The following SNX12 variants were observed in gnomAD, a reference collection of about 807,000 sequenced individuals.
SNX12 encodes the protein sorting nexin-12.
For synonymous variants in SNX12, 47 were observed against 56.0 expected (o/e 0.84, Z 0.71); for missense variants, 62 against 141.3 (o/e 0.44, Z 2.84).
In SNX12 at chrX:71,066,147, C is replaced by G. The variant is rs190744001; in HGVS notation, c.165+1995G>C. 2.7e-5 allele frequency among the ~76,000 whole-genome samples: 3 copies of G among 112,445 alleles called. No homozygotes were observed. In the East Asian group the frequency reaches 8.3e-4, roughly 31 times the overall value. The stretch of plus-strand genomic sequence containing the variant: ...ATTCCAGCCCTGTCAGTTATAGTTA[C>G]GTGTACTTGGGCAAGTTACTTAAAC... On this transcript the variant is annotated intron_variant, in intron 1 of 3. Transcript: ENST00000374274.
chrX:71,071,519 A>G (rs866991948), upstream of SNX12, among the ~76,000 whole-genome samples: 6 of 41,400 alleles, frequency 1.4e-4, no homozygotes, highest in African/African-American at 6.6e-4. Context: ...ATATTAATTT[A>G]TATATATATT....
chrX:71,068,041 C>T, intron 1 of SNX12, 101 bp downstream of exon 1: 1 of 783,221 alleles, frequency 1.3e-6, no homozygotes, highest in Non-Finnish European at 1.8e-6. Context: ...ACCCCTAAGG[C>T]GTCTTCCCCG....
At chrX:71,073,035 T>TACACACACACACAC (rs56242437), upstream of SNX12, among the ~76,000 whole-genome samples, 9 of 90,048 alleles carry the variant, frequency 1.0e-4, no homozygotes, top group African/African-American at 2.1e-4. Context: ...TTATCACACA[T>TACACACACACACAC]ACACACACAC....
upstream of SNX12, among the ~76,000 whole-genome samples, chrX:71,070,546 C>T (rs2092169113): frequency 9.0e-6 from 1 of 111,319 alleles, no homozygotes; most frequent in East Asian, 2.8e-4. Flanking sequence ...AAAATGAGTT[C>T]AGTTTAGATA....
chrX:71,072,776 G>C (rs752703182), upstream of SNX12, among the ~76,000 whole-genome samples: 1 of 111,121 alleles, frequency 9.0e-6, no homozygotes, highest in South Asian at 3.8e-4. Flanking sequence ...AATTCACAAT[G>C]AGGTGTAAAT....
upstream of SNX12, among the ~76,000 whole-genome samples, chrX:71,068,797 A>G (rs1306285429): frequency 1.8e-5 from 2 of 112,124 alleles, no homozygotes; most frequent in African/African-American, 6.5e-5. Flanking sequence ...GGTTCCAACA[A>G]TAGTACTGAG....
intron 1 of SNX12, among the ~76,000 whole-genome samples, chrX:71,064,027 G>T (rs2147697541): frequency 9.0e-6 from 1 of 111,657 alleles, no homozygotes; most frequent in East Asian, 2.8e-4. Context: ...TATTTATACT[G>T]ATTAATAAAG....
In SNX12 at chrX:71,068,311, C is replaced by A. The variant is rs746932094; in HGVS notation, c.-5G>T. On this transcript the variant is annotated 5_prime_UTR_variant, in exon 1 of 4. Coordinates refer to ENST00000374274, the MANE Select transcript of SNX12 (RefSeq NM_013346.4). ...AGCTACTGCCGTGTCCGACATCTTT[C>A]CGAAGGAGAGCCTGGGACCGGGGAA... The A allele has an allele frequency of 1.7e-5, 20 of 1,192,092 alleles. No homozygotes were observed. In the African/African-American group the frequency reaches 2.6e-4, roughly 16 times the overall value.
chrX:71,068,547 A>G (rs1293197114), upstream of SNX12: 1 of 260,189 alleles, frequency 3.8e-6, no homozygotes, highest in African/African-American at 2.8e-5. Flanking sequence ...CTTCCGGGTG[A>G]TGTTTGTGGC....
chrX:71,066,917 A>T (rs1456993373), intron 1 of SNX12, among the ~76,000 whole-genome samples: 1 of 111,793 alleles, frequency 8.9e-6, no homozygotes, highest in Non-Finnish European at 1.9e-5. Flanking sequence ...GGAATCTGGA[A>T]ATCATAATTT....
At chrX:71,071,631 ATT>A (rs368181635), upstream of SNX12, among the ~76,000 whole-genome samples, 1 of 60,505 alleles carries the variant, frequency 1.7e-5, no homozygotes, top group African/African-American at 7.4e-5. Context: ...ATATTTATAT[ATT>A]TATATTTATA....
At chrX:71,068,057 A>T in intron 1 of SNX12, 85 bp downstream of exon 1, 1 of 901,699 alleles carries the variant, frequency 1.1e-6, no homozygotes, top group Non-Finnish European at 1.5e-6. Flanking sequence ...CCCCGCCGTT[A>T]GTTGCCCCCG....
chrX:71,061,037 G>A lies in SNX12; in HGVS notation c.468C>T (p.Val156=), dbSNP rs748616066. ...LQEEAIDRNY[V]PGKVRQ is the part of the protein sequence containing the mutation. ...GCTCCTACTGGCGCACCTTCCCCGG[G>A]ACGTAGTTCCTGTCAATTGCCTCCT... The change falls in exon 4 of 4, where the codon GTC becomes GTT. Residue 156 remains valine (V), a synonymous_variant. Transcript: ENST00000374274. The A allele has an allele frequency of 1.9e-5, 23 of 1,206,499 alleles. No individual in the cohort carries two copies. Among genetic ancestry groups the A allele is most frequent in the Non-Finnish European group, 2.2e-5 (20 of 892,863 alleles).
At chrX:71,073,054 A>ACACACG (rs2092177929), upstream of SNX12, among the ~76,000 whole-genome samples, 1 of 109,865 alleles carries the variant, frequency 9.1e-6, no homozygotes, top group African/African-American at 3.3e-5. Flanking sequence ...ACACACACAC[A>ACACACG]CACACACACA....
chrX:71,061,165 G>C (rs1344033293), intron 3 of SNX12, 47 bp from the exon 4 acceptor site: 1 of 1,041,794 alleles, frequency 9.6e-7, no homozygotes, highest in Non-Finnish European at 1.3e-6. Context: ...GAATCAGAGA[G>C]AATTAGCAGA....
chrX:71,071,785 G>A (rs2092175043), upstream of SNX12, among the ~76,000 whole-genome samples: 2 of 88,569 alleles, frequency 2.3e-5, no homozygotes, highest in South Asian at 9.0e-4. Context: ...AGTCTGGAAA[G>A]ACATGCACCA....
At chrX:71,062,259 C>T (rs771255239) in intron 2 of SNX12, among the ~76,000 whole-genome samples, 1 of 110,579 alleles carries the variant, frequency 9.0e-6, no homozygotes, top group Admixed American at 9.7e-5. Context: ...ATTTTCCTGA[C>T]ACTAGACTTT....
In SNX12 at chrX:71,068,130, C is replaced by T. The variant is rs2092161438; in HGVS notation, c.165+12G>A. ...GTCCTCCCTCAGCTGTCTCCCTCAC[C>T]CCGTGACTCACCCGCATGCGAACCT... is the stretch of plus-strand genomic sequence containing the variant. On this transcript the variant is annotated intron_variant, in intron 1 of 3. Coordinates refer to ENST00000374274, the MANE Select transcript of SNX12 (RefSeq NM_013346.4). The T allele has an allele frequency of 1.7e-6, 2 of 1,194,620 alleles. No individual in the cohort carries two copies. Among genetic ancestry groups the T allele is most frequent in the African/African-American group, 3.6e-5 (2 of 55,682 alleles).
Position 71,068,132 on chromosome X carries a change from C to G in SNX12, c.165+10G>C, listed in dbSNP as rs200650501. 40 of 1,195,093 alleles carry G rather than the reference C, an allele frequency of 3.3e-5. No homozygotes were observed. The highest frequency in any genetic ancestry group is 4.5e-5 in the Non-Finnish European group (40 of 888,253). Reference sequence around the variant, plus strand: ...CCTCCCTCAGCTGTCTCCCTCACCCCGTGACTCACCCGCATGCGAACCTCA... The same window carrying G: ...CCTCCCTCAGCTGTCTCCCTCACCCGGTGACTCACCCGCATGCGAACCTCA... On this transcript the variant is annotated intron_variant, in intron 1 of 3. Transcript: ENST00000374274.
Sources: allele counts gnomAD v4.1 joint callset (sites outside exome capture counted in the v4.1 genomes callset), GRCh38; gene constraint gnomAD v4.1.1; transcripts MANE v1.5; gene names NCBI Gene and HGNC (gene_info 2026-07-23, HGNC 2026-07-21).